Variants in AQR observed in about 807,000 individuals in gnomAD.
AQR encodes the protein aquarius intron-binding spliceosomal factor.
AQR carries 61 observed loss-of-function variants against 180.5 expected under a neutral mutation model. The observed-to-expected ratio is 0.34, with a 90% CI of 0.28 to 0.42. AQR has a LOEUF of 0.42. Ranked by LOEUF, AQR falls within the 10% of genes least tolerant of loss-of-function variation. The probability of loss-of-function intolerance (pLI) is 1.00; values close to 1 mark genes in which losing one functional copy is unlikely to be tolerated. For synonymous variants in AQR, 551 were observed against 588.8 expected (o/e 0.94, Z 0.93); for missense variants, 1,281 against 1,798.3 (o/e 0.71, Z 5.20).
intron 27 of AQR, among the ~76,000 whole-genome samples, chr15:34,881,343 A>G (rs11857464): frequency 8.5e-4 from 130 of 152,294 alleles, no homozygotes; most frequent in African/African-American, 3.0e-3. Flanking sequence ...ATCACCTTGA[A>G]TTTATTTAGC....
chr15:34,886,950 C>G (rs1893069329), intron 24 of AQR, among the ~76,000 whole-genome samples: 1 of 151,858 alleles, frequency 6.6e-6, no homozygotes. Flanking sequence ...TGGTGAAACC[C>G]TGTCTCTACT....
At chr15:34,866,113 C>T (rs1163586638) in intron 32 of AQR, among the ~76,000 whole-genome samples, 1 of 151,916 alleles carries the variant, frequency 6.6e-6, no homozygotes, top group Non-Finnish European at 1.5e-5. Context: ...TCCTTGGTAT[C>T]CTGAAACAGA....
At position 34,890,330 on chromosome 15, in the gene AQR, C is replaced by A. The variant is rs767213972; in HGVS notation, c.2572-6G>T. 2.1e-5 allele frequency: 33 copies of A among 1,609,126 alleles called. No individual in the cohort carries two copies. In the East Asian group the frequency reaches 2.9e-4, roughly 14 times the overall value. On this transcript the variant is annotated splice_polypyrimidine_tract_variant and splice_region_variant and intron_variant, in intron 23 of 34. Coordinates refer to ENST00000156471, the MANE Select transcript of AQR (RefSeq NM_014691.3). ...TCAAACAACTGGTTTAGGGCCTAGACAATAAAGCAAGAAGGGTGACGGCAC... is the reference window on the plus strand; with the variant it reads ...TCAAACAACTGGTTTAGGGCCTAGAAAATAAAGCAAGAAGGGTGACGGCAC...
chr15:34,950,942 C>T (rs901076026), intron 4 of AQR, among the ~76,000 whole-genome samples: 5 of 152,154 alleles, frequency 3.3e-5, no homozygotes, highest in African/African-American at 9.7e-5. Context: ...TATCTGACTA[C>T]ACAGCAAATT....
At chr15:34,933,867 A>C (rs1893903127) in intron 10 of AQR, among the ~76,000 whole-genome samples, 2 of 152,246 alleles carry the variant, frequency 1.3e-5, no homozygotes, top group South Asian at 4.1e-4. Flanking sequence ...ATCCCAAGCA[A>C]TCCTCCTACT....
intron 32 of AQR, among the ~76,000 whole-genome samples, chr15:34,865,295 C>T (rs1892725464): frequency 6.6e-6 from 1 of 152,070 alleles, no homozygotes; most frequent in South Asian, 2.1e-4. Context: ...CTAGGCTGTC[C>T]AAATCAGTTC....
Position 34,899,930 on chromosome 15 carries a change from T to G in AQR, c.2243+692A>C, listed in dbSNP as rs77312827. ...TATTTAGAGATGAGGTCTTCCTCTGTCACCCAGGCTGGAGTACAGTGGCAC... is the reference window on the plus strand; with the variant it reads ...TATTTAGAGATGAGGTCTTCCTCTGGCACCCAGGCTGGAGTACAGTGGCAC... On this transcript the variant is annotated intron_variant, in intron 20 of 34. Transcript: ENST00000156471. Among the ~76,000 whole-genome samples the G allele has an allele frequency of 1.8e-3, 269 of 152,340 alleles. 5 individuals carry two copies. The East Asian group carries it at 0.047, about 27-fold the overall frequency.
At chr15:34,878,990 T>C (rs1892928813) in intron 27 of AQR, among the ~76,000 whole-genome samples, 1 of 151,198 alleles carries the variant, frequency 6.6e-6, no homozygotes, top group Non-Finnish European at 1.5e-5. Flanking sequence ...ATTGCGCCAC[T>C]GCACTCTAGC....
At chr15:34,916,992 C>G (rs1893604717) in intron 15 of AQR, among the ~76,000 whole-genome samples, 1 of 151,896 alleles carries the variant, frequency 6.6e-6, no homozygotes, top group East Asian at 1.9e-4. Flanking sequence ...GTCAGCTATC[C>G]CAGAATACTC....
At position 34,961,754 on chromosome 15, in the gene AQR, T is replaced by C. The variant is rs1431709366; in HGVS notation, c.133-940A>G. On this transcript the variant is annotated intron_variant, in intron 2 of 34. Transcript: ENST00000156471. ...CCTTCACTACTGATGGCTGGAACTCTTAGGCAAGTGCCTGACCTCTCCAAG... is the reference window on the plus strand; with the variant it reads ...CCTTCACTACTGATGGCTGGAACTCCTAGGCAAGTGCCTGACCTCTCCAAG... Among the ~76,000 whole-genome samples the C allele has an allele frequency of 3.3e-5, 5 of 151,052 alleles. No homozygotes were observed. In the East Asian group the frequency reaches 9.7e-4, roughly 29 times the overall value.
At chr15:34,966,368 T>C (rs1595368659) in intron 1 of AQR, among the ~76,000 whole-genome samples, 1 of 152,320 alleles carries the variant, frequency 6.6e-6, no homozygotes, top group East Asian at 1.9e-4. Flanking sequence ...ATGTCCCCTC[T>C]ACCTAGAAAA....
chr15:34,939,365 C>G (rs1197610628), intron 8 of AQR, among the ~76,000 whole-genome samples: 1 of 152,188 alleles, frequency 6.6e-6, no homozygotes, highest in Non-Finnish European at 1.5e-5. Flanking sequence ...TGGCGCCCAG[C>G]CTGAGACACA....
At chr15:34,947,513 A>T (rs1434136442) in intron 5 of AQR, among the ~76,000 whole-genome samples, 16 of 145,208 alleles carry the variant, frequency 1.1e-4, no homozygotes, top group East Asian at 7.9e-4. Flanking sequence ...TCAATAAAAA[A>T]AATAATAATA....
At chr15:34,896,811 T>A in intron 22 of AQR, 86 bp downstream of exon 22, 1 of 1,206,464 alleles carries the variant, frequency 8.3e-7, no homozygotes, top group Non-Finnish European at 1.2e-6. Context: ...ATCGCGCCAC[T>A]GCACTCCGGC....
At chr15:34,943,631 T>TC (rs1396520430) in intron 6 of AQR, among the ~76,000 whole-genome samples, 3 of 152,138 alleles carry the variant, frequency 2.0e-5, no homozygotes, top group Admixed American at 6.6e-5. Context: ...AAGAAAGAAC[T>TC]CCATGCATTC....
intron 6 of AQR, chr15:34,943,073 C>T (rs564981622): frequency 3.5e-5 from 56 of 1,611,004 alleles, no homozygotes; most frequent in African/African-American, 1.9e-4. Context: ...ATAACGCTCA[C>T]GCAAGCATGG....
chr15:34,890,246 C>G lies in AQR; in HGVS notation c.2650G>C (p.Glu884Gln), dbSNP rs1195560982. 3 of 1,613,570 alleles carry G rather than the reference C, an allele frequency of 1.9e-6. No individual in the cohort carries two copies. In the Admixed American group the frequency reaches 5.0e-5, roughly 27 times the overall value. ...AAATCTTTCTCTGTCTCCAGCTCTT[C>G]TTCTCCATGACCAAGACGCAGTAGG... ...RHLLRLGHGE[E>Q]ELETEKDFSR... The change falls in exon 24 of 35, where the codon GAA becomes CAA. Residue 884 changes from glutamate (E) to glutamine (Q), a missense_variant. Around this residue, in one of 9 missense-constraint regions of AQR, gnomAD observed 31 missense variants for 95.5 expected, o/e 0.32. Coordinates refer to ENST00000156471, the MANE Select transcript of AQR (RefSeq NM_014691.3).
At chr15:34,930,656 A>G (rs1893837349) in intron 11 of AQR, among the ~76,000 whole-genome samples, 1 of 152,198 alleles carries the variant, frequency 6.6e-6, no homozygotes, top group Admixed American at 6.5e-5. Context: ...CGTTAAGGAG[A>G]TAATCTAAAG....
At position 34,961,614 on chromosome 15, in the gene AQR, A is replaced by G. The variant is rs1210605857; in HGVS notation, c.133-800T>C. Among the ~76,000 whole-genome samples, 13 of 123,070 alleles carry G rather than the reference A, an allele frequency of 1.1e-4. 1 individual carries two copies. Among genetic ancestry groups the G allele is most frequent in the East Asian group, 4.3e-4 (2 of 4,600 alleles). The allele number at this position is 123,070 out of a possible 152,430, so 80.7% of individuals were successfully genotyped here. ...GGTGATAGAGCGAGACTCCATCTCA[A>G]AAAAAAAAAAAAAAAAAAAAGAATT... is the stretch of plus-strand genomic sequence containing the variant. On this transcript the variant is annotated intron_variant, in intron 2 of 34. Transcript: ENST00000156471.
Sources: allele counts gnomAD v4.1 joint callset (sites outside exome capture counted in the v4.1 genomes callset), GRCh38; gene constraint gnomAD v4.1.1; regional missense constraint gnomAD v4.1.1; transcripts MANE v1.5; gene names NCBI Gene and HGNC (gene_info 2026-07-23, HGNC 2026-07-21).